TMEM178A: variants seen among roughly 807,000 people sequenced by gnomAD.
The protein encoded by TMEM178A is transmembrane protein 178A, also known as transmembrane protein 178.
In TMEM178A, 12 loss-of-function variants were observed where a neutral mutation model predicts 29.1. The observed-to-expected ratio is 0.41, with a 90% confidence interval of 0.26 to 0.67. The LOEUF (loss-of-function observed/expected upper bound fraction) is 0.67. Among genes scored for constraint, TMEM178A ranks in the 30% least tolerant of loss-of-function variants. The probability of loss-of-function intolerance (pLI) is 0.29; values close to 1 mark genes in which losing one functional copy is unlikely to be tolerated. For missense variants in TMEM178A, 366 were observed against 419.1 expected (o/e 0.87, Z 1.11); for synonymous variants, 210 against 187.2 (o/e 1.12, Z -0.99).
chr2:39,679,490 A>G (rs904386163), intron 1 of TMEM178A, among the ~76,000 whole-genome samples: 1 of 152,164 alleles, frequency 6.6e-6, no homozygotes, highest in African/African-American at 2.4e-5. Flanking sequence ...GTGTATAACT[A>G]ACAAAGAGTG....
chr2:39,691,237 C>G (rs1291160880), intron 1 of TMEM178A, among the ~76,000 whole-genome samples: 3 of 152,172 alleles, frequency 2.0e-5, no homozygotes, highest in Non-Finnish European at 4.4e-5. Flanking sequence ...CCTTAATAGG[C>G]TGAACATCAA....
chr2:39,729,730 A>T, the TMEM178A span, among the ~76,000 whole-genome samples: 1 of 152,194 alleles, frequency 6.6e-6, no homozygotes, highest in Non-Finnish European at 1.5e-5. Flanking sequence ...TATGCGATGG[A>T]AGTCTTAAAT....
At chr2:39,709,681 C>T (rs1672218438) in intron 3 of TMEM178A, among the ~76,000 whole-genome samples, 1 of 152,152 alleles carries the variant, frequency 6.6e-6, no homozygotes, top group African/African-American at 2.4e-5. Context: ...TTTATTTAAG[C>T]CCCCATTTCT....
At chr2:39,713,663 G>T (rs908715627) in intron 3 of TMEM178A, among the ~76,000 whole-genome samples, 1 of 152,178 alleles carries the variant, frequency 6.6e-6, no homozygotes, top group Non-Finnish European at 1.5e-5. Context: ...TTAGACTGTA[G>T]CCTCTACAAT....
intron 1 of TMEM178A, among the ~76,000 whole-genome samples, chr2:39,677,268 A>G (rs901935831): frequency 1.3e-5 from 2 of 152,114 alleles, no homozygotes; most frequent in East Asian, 1.9e-4. Flanking sequence ...CATTTATAGA[A>G]TCTGTTCAAG....
At chr2:39,709,656 G>T (rs1015631782) in intron 3 of TMEM178A, among the ~76,000 whole-genome samples, 1 of 152,064 alleles carries the variant, frequency 6.6e-6, no homozygotes, top group African/African-American at 2.4e-5. Flanking sequence ...AATCTCCCCC[G>T]TTTTCTTCTC....
At position 39,672,225 on chromosome 2, in the gene TMEM178A, C is replaced by G. The variant is rs115012067; in HGVS notation, c.400+5851C>G. 3.7e-3 allele frequency among the ~76,000 whole-genome samples: 568 copies of G among 152,294 alleles called. 6 individuals are homozygous for G. Among genetic ancestry groups the G allele is most frequent in the African/African-American group, 0.013 (540 of 41,550 alleles). On this transcript the variant is annotated intron_variant, in intron 1 of 3. Coordinates refer to ENST00000281961, the MANE Select transcript of TMEM178A (RefSeq NM_152390.3). ...TGCTTCCATTCTTACTATCTGCACA[C>G]AGGAATTGTCTTTTAAAAGTGATTT...
intron 1 of TMEM178A, 93 bp downstream of exon 1, chr2:39,666,467 C>G (rs977032988): frequency 9.4e-7 from 1 of 1,062,582 alleles, no homozygotes. Context: ...CAGCCCCCTC[C>G]CAGCCGCGGC....
the TMEM178A span, among the ~76,000 whole-genome samples, chr2:39,734,799 T>C: frequency 2.6e-5 from 4 of 152,168 alleles, no homozygotes; most frequent in African/African-American, 9.6e-5. Flanking sequence ...ACTCTACTGT[T>C]CCAAGTTCTT....
Position 39,665,934 on chromosome 2 carries a change from G to C in TMEM178A, c.-41G>C. The C allele has an allele frequency of 7.4e-7, 1 of 1,346,718 alleles. No homozygotes were observed. Among genetic ancestry groups the C allele is most frequent in the Non-Finnish European group, 9.5e-7 (1 of 1,053,548 alleles). 83.4% of individuals were successfully genotyped at this position (1,346,718 alleles called of 1,614,324 possible). A position where few individuals can be genotyped will look rare whatever the true frequency, so the allele number is the denominator to read the frequency against. On this transcript the variant is annotated 5_prime_UTR_variant, in exon 1 of 4. Transcript: ENST00000281961. The stretch of plus-strand genomic sequence containing the variant: ...GGCCAAGTGCATTGTGTCTGGCGGC[G>C]GCGCGCGAGCCCACCGGCGGCTGCG...
chr2:39,710,510 A>C (rs939805083), intron 3 of TMEM178A, among the ~76,000 whole-genome samples: 1 of 152,184 alleles, frequency 6.6e-6, no homozygotes, highest in Non-Finnish European at 1.5e-5. Flanking sequence ...GAGGAGGAGC[A>C]TGGAGTGGAT....
intron 1 of TMEM178A, among the ~76,000 whole-genome samples, chr2:39,678,369 A>C (rs761447369): frequency 3.9e-5 from 6 of 152,264 alleles, no homozygotes; most frequent in Non-Finnish European, 8.8e-5. Context: ...AAAATGTGGT[A>C]TGTCCATACA....
At chr2:39,706,405 A>T (rs1429878889) in intron 2 of TMEM178A, among the ~76,000 whole-genome samples, 1 of 152,214 alleles carries the variant, frequency 6.6e-6, no homozygotes, top group African/African-American at 2.4e-5. Flanking sequence ...TTATGAGCAC[A>T]TGTATCCTGT....
chr2:39,696,723 G>T (rs963438968), intron 1 of TMEM178A, among the ~76,000 whole-genome samples: 5 of 152,062 alleles, frequency 3.3e-5, no homozygotes, highest in African/African-American at 1.2e-4. Flanking sequence ...CCTCGAGTAG[G>T]GGTTTCTATG....
chr2:39,722,902 G>C (rs1186974727), downstream of TMEM178A, among the ~76,000 whole-genome samples: 1 of 152,164 alleles, frequency 6.6e-6, no homozygotes, highest in Non-Finnish European at 1.5e-5. Context: ...ATCAGCAAGT[G>C]TTCTAAATCA....
At chr2:39,701,156 T>G (rs527348079) in intron 1 of TMEM178A, among the ~76,000 whole-genome samples, 2 of 152,306 alleles carry the variant, frequency 1.3e-5, no homozygotes, top group East Asian at 3.9e-4. Flanking sequence ...TGCTTTTTAT[T>G]TTTTAAATAT....
At chr2:39,669,065 G>A (rs1670297477) in intron 1 of TMEM178A, among the ~76,000 whole-genome samples, 1 of 152,144 alleles carries the variant, frequency 6.6e-6, no homozygotes, top group East Asian at 1.9e-4. Flanking sequence ...TTTCTTCTAT[G>A]AGTTACCTTG....
chr2:39,691,093 T>A (rs757414068), intron 1 of TMEM178A, among the ~76,000 whole-genome samples: 2 of 152,108 alleles, frequency 1.3e-5, no homozygotes, highest in Admixed American at 6.5e-5. Context: ...ACATATGGGA[T>A]AGTATCAGAC....
At chr2:39,676,324 G>A (rs999054245) in intron 1 of TMEM178A, among the ~76,000 whole-genome samples, 19 of 152,288 alleles carry the variant, frequency 1.2e-4, no homozygotes, top group South Asian at 2.1e-4. Context: ...GAGATTCAAT[G>A]GTTTTGGGCT....
Sources: allele counts gnomAD v4.1 joint callset (sites outside exome capture counted in the v4.1 genomes callset), GRCh38; gene constraint gnomAD v4.1.1; transcripts MANE v1.5; gene names NCBI Gene and HGNC (gene_info 2026-07-23, HGNC 2026-07-21).